The following BOC variants were observed in gnomAD, a reference collection of about 807,000 sequenced individuals.
BOC encodes BOC cell adhesion associated, oncogene regulated.
BOC carries 76 observed loss-of-function variants against 112.0 expected under a neutral mutation model. That is an observed-to-expected ratio of 0.68 (90% CI 0.56 to 0.82). BOC has a LOEUF of 0.82. Ranked by LOEUF, BOC falls within the 40% of genes least tolerant of loss-of-function variation. The pLI is 0.00. For synonymous variants in BOC, 580 were observed against 599.8 expected, an observed-to-expected ratio of 0.97 and a Z score of 0.48; for missense variants, 1,309 against 1,511.7, an observed-to-expected ratio of 0.87 and a Z score of 2.22.
At chr3:113,213,984 C>T (rs551262082) in intron 1 of BOC, among the ~76,000 whole-genome samples, 2 of 152,326 alleles carry the variant, frequency 1.3e-5, no homozygotes, top group South Asian at 4.1e-4. Flanking sequence ...GACACTGTCT[C>T]TTTTATCCTC....
chr3:113,257,215 G>A (rs1000739795), intron 4 of BOC, among the ~76,000 whole-genome samples: 3 of 152,124 alleles, frequency 2.0e-5, no homozygotes, highest in African/African-American at 7.2e-5. Context: ...ATGTTTCCAC[G>A]CTGCCAGGAC....
chr3:113,280,081 G>A, intron 13 of BOC, 76 bp downstream of exon 13: 1 of 1,431,146 alleles, frequency 7.0e-7, no homozygotes, highest in Non-Finnish European at 9.4e-7. Flanking sequence ...CTGGGGATTA[G>A]ACTCCCCCGA....
At chr3:113,253,293 TAGAGATC>T (rs1463392747) in intron 4 of BOC, among the ~76,000 whole-genome samples, 1 of 152,146 alleles carries the variant, frequency 6.6e-6, no homozygotes, top group African/African-American at 2.4e-5. Flanking sequence ...GTCTGGCACA[TAGAGATC>T]AGAGATAATT....
chr3:113,245,272 C>T (rs1944770368), intron 2 of BOC, among the ~76,000 whole-genome samples: 1 of 151,966 alleles, frequency 6.6e-6, no homozygotes, highest in Non-Finnish European at 1.5e-5. Context: ...TTTTTAGAGA[C>T]AGAGTCTTGC....
rs939986601 is a variant in BOC, at chr3:113,221,881, C to G, written c.-82+5607C>G. On this transcript the variant is annotated intron_variant, in intron 2 of 19. Transcript: ENST00000682979. ...CCTTCCCTCTGAGGCCTCCCTTCCC[C>G]CCTTGCCTACTCCCACAGCCATGTT... Among the ~76,000 whole-genome samples the G allele has an allele frequency of 2.6e-5, 4 of 152,310 alleles. No homozygotes were observed. The South Asian group carries it at 6.2e-4, about 24-fold the overall frequency.
In BOC at chr3:113,278,959, A is replaced by G. The variant is rs1948927676; in HGVS notation, c.1816+176A>G. On this transcript the variant is annotated intron_variant, in intron 11 of 19. Transcript: ENST00000682979. The surrounding 1 kb of genome is among the most constrained non-coding windows in gnomAD (Gnocchi z 4.2). ...CTTTTTAAATAAAAGGCTGGCATTG[A>G]TGCTGGGATTGCTCACTGGGTGCAT... is the stretch of plus-strand genomic sequence containing the variant. 1 of 667,300 alleles carries G rather than the reference A, an allele frequency of 1.5e-6. No homozygotes were observed. Among genetic ancestry groups the G allele is most frequent in the Non-Finnish European group, 2.5e-6 (1 of 394,350 alleles). The allele number at this position is 667,300 out of a possible 1,614,324, so 41.3% of individuals were successfully genotyped here. A position where few individuals can be genotyped will look rare whatever the true frequency, so the allele number is the denominator to read the frequency against.
chr3:113,282,525 T>C (rs1329598099), intron 15 of BOC, among the ~76,000 whole-genome samples: 1 of 152,150 alleles, frequency 6.6e-6, no homozygotes, highest in African/African-American at 2.4e-5. Flanking sequence ...GTAAAACCAC[T>C]TGGAGGCTTA....
chr3:113,284,036 G>C (rs775221), intron 16 of BOC, among the ~76,000 whole-genome samples: 8,315 of 152,050 alleles, frequency 0.055, 279 homozygotes, highest in African/African-American at 0.098. Flanking sequence ...AAAACATCTG[G>C]TCAGCTTACC....
chr3:113,213,721 G>A (rs1365762482), intron 1 of BOC, among the ~76,000 whole-genome samples: 2 of 152,176 alleles, frequency 1.3e-5, no homozygotes, highest in Non-Finnish European at 2.9e-5. Context: ...GAAGCTTCTC[G>A]TGGTGATCTG....
intron 14 of BOC, 101 bp downstream of exon 14, chr3:113,280,764 A>G (rs775229): frequency 0.51 from 512,194 of 1,008,192 alleles, 135,354 homozygotes; most frequent in East Asian, 0.77. Flanking sequence ...ATAAACCTGC[A>G]TCTGGTGTGA....
chr3:113,222,703 A>AG (rs1014736455), intron 2 of BOC, among the ~76,000 whole-genome samples: 18 of 150,236 alleles, frequency 1.2e-4, no homozygotes, highest in East Asian at 3.9e-4. Context: ...TAGGAGACGC[A>AG]GGGGGGTGCC....
chr3:113,216,240 T>C lies in BOC; in HGVS notation c.-116T>C, dbSNP rs1939339852. 2.2e-6 allele frequency: 1 copy of C among 456,714 alleles called. No homozygotes were observed. Among genetic ancestry groups the C allele is most frequent in the African/African-American group, 2.0e-5 (1 of 50,194 alleles). 28.3% of individuals were successfully genotyped at this position (456,714 alleles called of 1,614,324 possible). On this transcript the variant is annotated 5_prime_UTR_variant, in exon 2 of 20. Transcript: ENST00000682979. ...ACCCATGAAGTCTTGTCGACATTTA[T>C]ACCGTCTGAGGGTAGCAGCTCGAAA...
intron 19 of BOC, among the ~76,000 whole-genome samples, chr3:113,286,248 T>C (rs1249253349): frequency 6.6e-6 from 1 of 152,062 alleles, no homozygotes; most frequent in Non-Finnish European, 1.5e-5. Flanking sequence ...AGATGCTGGG[T>C]CCTAAAGCTC....
chr3:113,257,191 AC>A (rs1295546337), intron 4 of BOC, among the ~76,000 whole-genome samples: 1 of 152,114 alleles, frequency 6.6e-6, no homozygotes, highest in Non-Finnish European at 1.5e-5. Context: ...CATTAATGGC[AC>A]CTTTAGACGG....
chr3:113,242,743 A>G (rs1944460446), intron 2 of BOC, among the ~76,000 whole-genome samples: 1 of 152,038 alleles, frequency 6.6e-6, no homozygotes, highest in Admixed American at 6.6e-5. Flanking sequence ...TGTGGTATGA[A>G]TTTTAAACTC....
At chr3:113,249,033 G>A (rs1480347667) in intron 2 of BOC, among the ~76,000 whole-genome samples, 1 of 152,158 alleles carries the variant, frequency 6.6e-6, no homozygotes, top group African/African-American at 2.4e-5. Flanking sequence ...GTCTTGGCTG[G>A]CTTATGACTT....
At chr3:113,222,669 G>T (rs1012324209) in intron 2 of BOC, among the ~76,000 whole-genome samples, 3 of 152,180 alleles carry the variant, frequency 2.0e-5, no homozygotes, top group Non-Finnish European at 4.4e-5. Flanking sequence ...TCTGCTTTGT[G>T]CACAGCACTG....
chr3:113,236,234 G>A (rs929756341), intron 2 of BOC, among the ~76,000 whole-genome samples: 1 of 54,376 alleles, frequency 1.8e-5, no homozygotes, highest in Admixed American at 1.7e-4. Context: ...GTATATGTGT[G>A]TGTGTGTGTG....
rs1354341727 is a variant in BOC at position 113,270,934 on chromosome 3, A to G, written c.657A>G (p.Leu219=). The G allele has an allele frequency of 5.0e-6, 8 of 1,614,064 alleles. No individual in the cohort carries two copies. The highest frequency in any genetic ancestry group is 6.8e-6 in the Non-Finnish European group (8 of 1,180,034). ...AAACCTCCGGCTCCAGCGACAGGCT[A>G]CGTGTGCGCCGTAAGGCCCGGGCCC... ...EVKTSGSSDR[L]RVRRSTAEAA... The change falls in exon 6 of 20, where the codon CTA becomes CTG. Residue 219 remains leucine, a synonymous_variant. Transcript: ENST00000682979.
Sources: allele counts gnomAD v4.1 joint callset (sites outside exome capture counted in the v4.1 genomes callset), GRCh38; gene constraint gnomAD v4.1.1; non-coding constraint Gnocchi (gnomAD v3.1); transcripts MANE v1.5; gene names NCBI Gene and HGNC (gene_info 2026-07-23, HGNC 2026-07-21).